Variants in SEMA3A observed in about 807,000 individuals in gnomAD.
SEMA3A encodes the protein semaphorin 3A, also known as semaphorin-3A.
Under a neutral mutation model 97.9 loss-of-function variants are expected in SEMA3A, and 29 were observed. The observed-to-expected ratio is 0.30, with a 90% confidence interval of 0.22 to 0.40. The LOEUF (loss-of-function observed/expected upper bound fraction) is 0.40. Among genes scored for constraint, SEMA3A ranks in the 10% least tolerant of loss-of-function variants. The pLI is 1.00. For synonymous variants in SEMA3A, 321 were observed against 323.7 expected (o/e 0.99, Z 0.09); for missense variants, 763 against 951.3 (o/e 0.80, Z 2.60).
At chr7:84,355,806 T>A (rs960422681) in intron 2 of SEMA3A, among the ~76,000 whole-genome samples, 8 of 152,026 alleles carry the variant, frequency 5.3e-5, no homozygotes, top group East Asian at 1.9e-4. Context: ...GAGTTAATGT[T>A]GTAATAAAAG....
At chr7:84,326,056 T>G (rs1429474369) in intron 2 of SEMA3A, among the ~76,000 whole-genome samples, 1 of 152,140 alleles carries the variant, frequency 6.6e-6, no homozygotes, top group Non-Finnish European at 1.5e-5. Flanking sequence ...TTCAGGTTCA[T>G]CCATGTTATA....
intron 1 of SEMA3A, among the ~76,000 whole-genome samples, chr7:84,408,898 G>A (rs1366067869): frequency 6.6e-6 from 1 of 151,768 alleles, no homozygotes; most frequent in East Asian, 1.9e-4. Flanking sequence ...CTGTTGTGGG[G>A]TTGGGGGAGC....
At chr7:84,218,078 T>A (rs891009024) in intron 3 of SEMA3A, among the ~76,000 whole-genome samples, 75 of 152,262 alleles carry the variant, frequency 4.9e-4, no homozygotes, top group African/African-American at 1.8e-3. Context: ...ATTTTTTGTA[T>A]AATTTAATAT....
intron 7 of SEMA3A, among the ~76,000 whole-genome samples, chr7:84,012,279 G>C (rs929404806): frequency 2.0e-5 from 3 of 151,950 alleles, no homozygotes; most frequent in African/African-American, 7.3e-5. Flanking sequence ...TAATTAGCAG[G>C]ATCTAGCCAT....
chr7:84,424,192 G>A (rs1804678104), intron 1 of SEMA3A, among the ~76,000 whole-genome samples: 1 of 150,870 alleles, frequency 6.6e-6, no homozygotes, highest in African/African-American at 2.4e-5. Flanking sequence ...ACCTGCACAC[G>A]AATATTTATT....
At chr7:84,149,375 T>C (rs2116107809) in intron 1 of SEMA3A, among the ~76,000 whole-genome samples, 1 of 152,342 alleles carries the variant, frequency 6.6e-6, no homozygotes, top group South Asian at 2.1e-4. Context: ...TTAAATATTA[T>C]GTGAGCCAGG....
intron 2 of SEMA3A, among the ~76,000 whole-genome samples, chr7:84,370,160 G>A (rs1349508643): frequency 6.6e-6 from 1 of 151,484 alleles, no homozygotes; most frequent in Non-Finnish European, 1.5e-5. Flanking sequence ...GCAATCTTAG[G>A]AACTAGTAAC....
At chr7:84,152,461 G>A (rs6959694) in intron 1 of SEMA3A, among the ~76,000 whole-genome samples, 108,584 of 134,692 alleles carry the variant, frequency 0.81, 44,028 homozygotes, top group East Asian at 0.91. Flanking sequence ...CAAACACCGC[G>A]TATTCTCACT....
chr7:84,036,424 G>A (rs1034991666), intron 6 of SEMA3A, among the ~76,000 whole-genome samples: 36 of 152,038 alleles, frequency 2.4e-4, no homozygotes, highest in African/African-American at 8.7e-4. Flanking sequence ...AGTACATATT[G>A]GTAGCTACCA....
chr7:84,350,139 A>G (rs1802401722), intron 2 of SEMA3A, among the ~76,000 whole-genome samples: 1 of 152,140 alleles, frequency 6.6e-6, no homozygotes. Flanking sequence ...ACATCAATAT[A>G]TTTCCATGAC....
intron 11 of SEMA3A, 94 bp downstream of exon 11, chr7:84,005,233 CTGCACAGAGGGT>C: frequency 1.3e-6 from 1 of 780,984 alleles, no homozygotes; most frequent in Non-Finnish European, 2.2e-6. Flanking sequence ...GGATTTTCAA[CTGCACAGAGGGT>C]TGGCATCCCA....
intron 1 of SEMA3A, among the ~76,000 whole-genome samples, chr7:84,436,630 T>C (rs1805138426): frequency 6.6e-6 from 1 of 152,160 alleles, no homozygotes; most frequent in African/African-American, 2.4e-5. Context: ...CGGATTTCTT[T>C]GTGTTATAAT....
intron 4 of SEMA3A, among the ~76,000 whole-genome samples, chr7:84,106,639 C>A (rs1795116418): frequency 1.3e-5 from 2 of 152,110 alleles, no homozygotes; most frequent in Non-Finnish European, 2.9e-5. Flanking sequence ...TTAAAGGAAC[C>A]ATTAATTTCT....
intron 2 of SEMA3A, among the ~76,000 whole-genome samples, chr7:84,347,260 A>C (rs1329572498): frequency 6.6e-6 from 1 of 152,204 alleles, no homozygotes; most frequent in Non-Finnish European, 1.5e-5. Context: ...TAAACAAAAA[A>C]GGCAGCTTTA....
chr7:84,100,420 C>G (rs1447516796), intron 4 of SEMA3A, among the ~76,000 whole-genome samples: 1 of 152,106 alleles, frequency 6.6e-6, no homozygotes, highest in Non-Finnish European at 1.5e-5. Context: ...TATTACAAAA[C>G]AATCATGAAA....
rs537695006 is a variant in SEMA3A at position 84,055,247 on chromosome 7, A to C, written c.547+5218T>G. On this transcript the variant is annotated intron_variant, in intron 5 of 16. Coordinates refer to ENST00000265362, the MANE Select transcript of SEMA3A (RefSeq NM_006080.3). Reference sequence around the variant, plus strand: ...TGGGCTCCACCCAGTTGGAGCTTCCAGGCTGCTTTGTTTACCTAATCAAGC... The same window carrying C: ...TGGGCTCCACCCAGTTGGAGCTTCCCGGCTGCTTTGTTTACCTAATCAAGC... 6.2e-3 allele frequency among the ~76,000 whole-genome samples: 939 copies of C among 152,146 alleles called. 7 individuals carry two copies. The highest frequency in any genetic ancestry group is 0.021 in the African/African-American group (854 of 41,484).
chr7:84,326,282 A>G (rs1407671036), intron 2 of SEMA3A, among the ~76,000 whole-genome samples: 2 of 152,156 alleles, frequency 1.3e-5, no homozygotes, highest in Admixed American at 6.6e-5. Context: ...ATCACTAAAT[A>G]AGTATTTCTG....
intron 1 of SEMA3A, among the ~76,000 whole-genome samples, chr7:84,192,548 C>G (rs1798080990): frequency 6.6e-6 from 1 of 151,844 alleles, no homozygotes; most frequent in South Asian, 2.1e-4. Context: ...AATATATACA[C>G]CTTGCTAATA....
chr7:84,349,281 C>T (rs1802380252), intron 2 of SEMA3A, among the ~76,000 whole-genome samples: 1 of 152,146 alleles, frequency 6.6e-6, no homozygotes, highest in Non-Finnish European at 1.5e-5. Context: ...CCTCCCTCCA[C>T]TCCTTTCATC....
Sources: allele counts gnomAD v4.1 joint callset (sites outside exome capture counted in the v4.1 genomes callset), GRCh38; gene constraint gnomAD v4.1.1; transcripts MANE v1.5; gene names NCBI Gene and HGNC (gene_info 2026-07-23, HGNC 2026-07-21).